TMEFF1: variants seen among roughly 807,000 people sequenced by gnomAD.
The protein encoded by TMEFF1 is transmembrane protein with EGF like and two follistatin like domains 1, also known as tomoregulin-1.
Under a neutral mutation model 47.5 loss-of-function variants are expected in TMEFF1, and 20 were observed. That is an observed-to-expected ratio of 0.42 (90% confidence interval 0.30 to 0.61). TMEFF1 has a LOEUF of 0.61. Among genes scored for constraint, TMEFF1 ranks in the 20% least tolerant of loss-of-function variants. TMEFF1 has a pLI of 0.19. For missense variants in TMEFF1, 411 were observed against 471.1 expected, an observed-to-expected ratio of 0.87 and a Z score of 1.18; for synonymous variants, 162 against 166.3, an observed-to-expected ratio of 0.97 and a Z score of 0.20.
intron 7 of TMEFF1, among the ~76,000 whole-genome samples, chr9:100,557,908 G>A (rs1184349481): frequency 6.6e-6 from 1 of 151,734 alleles, no homozygotes; most frequent in Non-Finnish European, 1.5e-5. Context: ...ACGTTTAATG[G>A]GATGAATAAA....
chr9:100,511,384 CT>C (rs1837962636), intron 3 of TMEFF1, among the ~76,000 whole-genome samples: 1 of 152,174 alleles, frequency 6.6e-6, no homozygotes, highest in African/African-American at 2.4e-5. Flanking sequence ...CCCTTATTTA[CT>C]GTGTGACCTT....
chr9:100,554,282 A>G (rs1201602575), intron 7 of TMEFF1, among the ~76,000 whole-genome samples: 3 of 152,312 alleles, frequency 2.0e-5, no homozygotes, highest in South Asian at 2.1e-4. Flanking sequence ...TCAAAAGGAA[A>G]GACTGTGAGC....
At chr9:100,487,320 T>C (rs1406920478) in intron 1 of TMEFF1, among the ~76,000 whole-genome samples, 1 of 152,056 alleles carries the variant, frequency 6.6e-6, no homozygotes, top group Non-Finnish European at 1.5e-5. Flanking sequence ...CCCACCACCA[T>C]ACCTGGCTAA....
chr9:100,522,733 C>T (rs945247798), intron 5 of TMEFF1, among the ~76,000 whole-genome samples: 8 of 150,368 alleles, frequency 5.3e-5, no homozygotes, highest in Non-Finnish European at 4.4e-5. Context: ...CTGCACCTGG[C>T]CTTCCAGAAA....
At chr9:100,497,784 A>G (rs1837684073) in intron 1 of TMEFF1, among the ~76,000 whole-genome samples, 1 of 152,156 alleles carries the variant, frequency 6.6e-6, no homozygotes, top group Non-Finnish European at 1.5e-5. Context: ...CCGGGACCTC[A>G]TCATGATCTA....
intron 5 of TMEFF1, among the ~76,000 whole-genome samples, chr9:100,538,776 A>T (rs1430164951): frequency 6.6e-6 from 1 of 151,968 alleles, no homozygotes; most frequent in Non-Finnish European, 1.5e-5. Flanking sequence ...GTTGAATTTG[A>T]TTGTTTGCCT....
chr9:100,510,162 G>C, intron 3 of TMEFF1, among the ~76,000 whole-genome samples: 1 of 152,136 alleles, frequency 6.6e-6, no homozygotes, highest in Non-Finnish European at 1.5e-5. Flanking sequence ...AGTCTCCAAG[G>C]CTGTTCTCAC....
intron 1 of TMEFF1, among the ~76,000 whole-genome samples, chr9:100,483,413 C>G (rs991259048): frequency 2.6e-5 from 4 of 152,170 alleles, no homozygotes; most frequent in Admixed American, 6.5e-5. Context: ...AGGAGAATCG[C>G]TTGAACCTGG....
intron 5 of TMEFF1, among the ~76,000 whole-genome samples, chr9:100,541,347 C>CTT (rs748303966): frequency 7.6e-6 from 1 of 131,440 alleles, no homozygotes; most frequent in African/African-American, 2.8e-5. Flanking sequence ...TTGGCAATTT[C>CTT]ATTTTTTTTT....
chr9:100,543,354 A>G (rs13284662), intron 5 of TMEFF1, among the ~76,000 whole-genome samples: 3,825 of 151,856 alleles, frequency 0.025, 61 homozygotes, highest in Non-Finnish European at 0.033. Context: ...AAATCTGCCC[A>G]TTGCATTTCT....
intron 7 of TMEFF1, among the ~76,000 whole-genome samples, chr9:100,557,509 C>G (rs1233938249): frequency 2.0e-5 from 3 of 152,140 alleles, no homozygotes; most frequent in African/African-American, 4.8e-5. Context: ...ATGTATCACT[C>G]TACCTGGGTT....
At chr9:100,562,690 C>G (rs1202278305) in intron 8 of TMEFF1, among the ~76,000 whole-genome samples, 1 of 151,480 alleles carries the variant, frequency 6.6e-6, no homozygotes, top group Non-Finnish European at 1.5e-5. Context: ...GAGTCTTGCT[C>G]TGTCGCCCAG....
chr9:100,558,436 A>G (rs1432488407), intron 7 of TMEFF1, among the ~76,000 whole-genome samples: 1 of 151,946 alleles, frequency 6.6e-6, no homozygotes, highest in Non-Finnish European at 1.5e-5. Flanking sequence ...TGGCATTTTT[A>G]GTTTGAAACT....
chr9:100,533,022 G>A (rs1838423776), intron 5 of TMEFF1, among the ~76,000 whole-genome samples: 1 of 148,148 alleles, frequency 6.8e-6, no homozygotes, highest in South Asian at 2.1e-4. Context: ...CTCACTCATA[G>A]GTGGGAATTG....
At chr9:100,546,238 G>C (rs1838730282) in intron 5 of TMEFF1, among the ~76,000 whole-genome samples, 2 of 152,256 alleles carry the variant, frequency 1.3e-5, no homozygotes, top group South Asian at 4.1e-4. Flanking sequence ...CAGTTCCCCA[G>C]ACCCACGTGG....
intron 9 of TMEFF1, 26 bp from the exon 10 acceptor site, chr9:100,576,488 TTC>T (rs771469804): frequency 2.5e-6 from 4 of 1,601,838 alleles, no homozygotes; most frequent in East Asian, 2.2e-5. Flanking sequence ...AACAATATTT[TTC>T]TCTCTTTCTT....
intron 1 of TMEFF1, among the ~76,000 whole-genome samples, chr9:100,486,151 A>G (rs1392541357): frequency 1.3e-5 from 2 of 152,076 alleles, no homozygotes; most frequent in Non-Finnish European, 2.9e-5. Context: ...TGTGTAGAAA[A>G]TTTGAGGAAT....
Position 100,576,538 on chromosome 9 carries a change from G to A in TMEFF1, c.1081G>A (p.Gly361Arg). Residue 361 changes from glycine (G) to arginine (R), a missense_variant, in exon 10 of 10, where the codon GGA becomes AGA. Gly to Arg is a moderately radical substitution (Grantham distance 125). Coordinates refer to ENST00000374879, the MANE Select transcript of TMEFF1 (RefSeq NM_003692.5). Reference protein sequence around the residue: ...ITRKCPKNNRGRRQKQNLGHF... With the variant: ...ITRKCPKNNRRRRQKQNLGHF... ...CAGAAAATGCCCCAAAAACAATAGAGGACGTCGACAGAAGCAAAACCTAGG... is the reference window on the plus strand; with the variant it reads ...CAGAAAATGCCCCAAAAACAATAGAAGACGTCGACAGAAGCAAAACCTAGG... 1.9e-6 allele frequency: 3 copies of A among 1,612,616 alleles called. No individual in the cohort carries two copies. The highest frequency in any genetic ancestry group is 1.7e-5 in the Admixed American group (1 of 59,780).
intron 9 of TMEFF1, among the ~76,000 whole-genome samples, chr9:100,574,448 G>A (rs1839309104): frequency 6.6e-6 from 1 of 152,112 alleles, no homozygotes. Flanking sequence ...GCAGTGGCAT[G>A]ATCTTGGATC....
Sources: gnomAD v4.1 joint callset for allele counts (sites outside exome capture counted in the v4.1 genomes callset) on GRCh38, gnomAD v4.1.1 for gene constraint, MANE v1.5 for transcripts, NCBI Gene and HGNC (gene_info 2026-07-23, HGNC 2026-07-21) for gene names.